Variants in GRIK3 observed in about 807,000 individuals in gnomAD.
GRIK3 encodes the protein glutamate ionotropic receptor kainate type subunit 3.
Under a neutral mutation model 102.5 loss-of-function variants are expected in GRIK3, and 29 were observed. That is an observed-to-expected ratio of 0.28 (90% confidence interval 0.21 to 0.39). The LOEUF (loss-of-function observed/expected upper bound fraction) is 0.39. Among genes scored for constraint, GRIK3 ranks in the 10% least tolerant of loss-of-function variants. GRIK3 has a pLI of 1.00. For missense variants in GRIK3, 908 were observed against 1,252.4 expected (o/e 0.73, Z 4.15); for synonymous variants, 511 against 504.9 (o/e 1.01, Z -0.16).
At chr1:37,004,555 C>G (rs1041662352) in intron 1 of GRIK3, among the ~76,000 whole-genome samples, 2 of 152,162 alleles carry the variant, frequency 1.3e-5, no homozygotes, top group African/African-American at 4.8e-5. Flanking sequence ...CATTTGTGCT[C>G]TTGAATCAAC....
At chr1:36,916,423 C>T (rs980472631) in intron 1 of GRIK3, among the ~76,000 whole-genome samples, 2 of 152,102 alleles carry the variant, frequency 1.3e-5, no homozygotes, top group Non-Finnish European at 2.9e-5. Flanking sequence ...AATGAGGAGC[C>T]TAATGTTAAT....
chr1:36,937,155 C>G (rs573161663), intron 1 of GRIK3, among the ~76,000 whole-genome samples: 1 of 152,258 alleles, frequency 6.6e-6, no homozygotes, highest in East Asian at 1.9e-4. Flanking sequence ...AGACCCTCAG[C>G]GAGCAGGAAC....
At chr1:36,804,941 A>T in intron 15 of GRIK3, 46 bp downstream of exon 15, 1 of 1,603,408 alleles carries the variant, frequency 6.2e-7, no homozygotes. Context: ...AATCAGCGCG[A>T]ATCTCCATTT....
chr1:36,825,323 C>A (rs910357791), intron 11 of GRIK3, among the ~76,000 whole-genome samples: 1 of 152,134 alleles, frequency 6.6e-6, no homozygotes, highest in South Asian at 2.1e-4. Flanking sequence ...CCTCTACGAG[C>A]CTGCCAATGG....
intron 1 of GRIK3, among the ~76,000 whole-genome samples, chr1:36,929,292 AT>A (rs2124312025): frequency 6.6e-6 from 1 of 152,292 alleles, no homozygotes; most frequent in Admixed American, 6.5e-5. Flanking sequence ...GAGTGAATCT[AT>A]ACTCCAGCAG....
intron 10 of GRIK3, among the ~76,000 whole-genome samples, chr1:36,838,577 TG>T (rs966402203): frequency 2.6e-5 from 4 of 152,130 alleles, no homozygotes; most frequent in African/African-American, 9.7e-5. Flanking sequence ...CTGTAACCCT[TG>T]GAAGACCATG....
intron 5 of GRIK3, among the ~76,000 whole-genome samples, chr1:36,864,582 G>A (rs999993588): frequency 6.6e-6 from 1 of 152,094 alleles, no homozygotes; most frequent in African/African-American, 2.4e-5. Context: ...GGGAGCTTGG[G>A]TGCTGGTGGA....
At chr1:36,896,467 A>G (rs184007618) in intron 1 of GRIK3, among the ~76,000 whole-genome samples, 7 of 152,260 alleles carry the variant, frequency 4.6e-5, no homozygotes, top group Admixed American at 3.3e-4. Context: ...TTGCATATGT[A>G]TATTGCAAAC....
intron 1 of GRIK3, among the ~76,000 whole-genome samples, chr1:36,976,394 A>G (rs1642196917): frequency 6.6e-6 from 1 of 151,944 alleles, no homozygotes; most frequent in African/African-American, 2.4e-5. Flanking sequence ...AGCGTTTATC[A>G]TTTTCATCAG....
intron 5 of GRIK3, among the ~76,000 whole-genome samples, chr1:36,864,117 T>C (rs1339184753): frequency 6.6e-6 from 1 of 152,170 alleles, no homozygotes; most frequent in Non-Finnish European, 1.5e-5. Context: ...ATAGTTCTTT[T>C]TTCACCTCTA....
chr1:36,804,858 C>G, intron 15 of GRIK3, 129 bp downstream of exon 15: 1 of 1,226,100 alleles, frequency 8.2e-7, no homozygotes, highest in Non-Finnish European at 1.1e-6. Context: ...GCTTGCTGGC[C>G]GACTGGATGC....
At chr1:37,033,844 G>GT in intron 1 of GRIK3, 150 bp downstream of exon 1, 1 of 510,306 alleles carries the variant, frequency 2.0e-6, no homozygotes, top group Non-Finnish European at 3.5e-6. Context: ...CTGGAACTTT[G>GT]TCCTCACAGG....
intron 1 of GRIK3, among the ~76,000 whole-genome samples, chr1:36,972,356 G>A (rs1642152660): frequency 6.6e-6 from 1 of 152,248 alleles, no homozygotes; most frequent in Non-Finnish European, 1.5e-5. Flanking sequence ...CTTCCGTACT[G>A]ATTCCAGCAT....
chr1:36,908,030 G>A (rs986863948), intron 1 of GRIK3, among the ~76,000 whole-genome samples: 3 of 152,116 alleles, frequency 2.0e-5, no homozygotes, highest in African/African-American at 7.2e-5. Flanking sequence ...TTCAGGGTGG[G>A]GACAATCTGC....
chr1:36,841,952 A>T lies in GRIK3; in HGVS notation c.1327-13T>A. ...CGAAGGGCTCCTCCTGCAGAGACAG[A>T]TGGGCAGGGTGTGACGAAGACTGAG... is the stretch of plus-strand genomic sequence containing the variant. On this transcript the variant is annotated splice_polypyrimidine_tract_variant and intron_variant, in intron 9 of 15. Coordinates refer to ENST00000373091, the MANE Select transcript of GRIK3 (RefSeq NM_000831.4). The T allele has an allele frequency of 6.2e-7, 1 of 1,610,632 alleles. No homozygotes were observed. Among genetic ancestry groups the T allele is most frequent in the Non-Finnish European group, 8.5e-7 (1 of 1,176,860 alleles).
chr1:36,932,672 C>T (rs1641609328), intron 1 of GRIK3, among the ~76,000 whole-genome samples: 1 of 152,200 alleles, frequency 6.6e-6, no homozygotes, highest in African/African-American at 2.4e-5. Flanking sequence ...TTCCAAACTG[C>T]CACTTGGAAT....
In GRIK3 at chr1:36,915,091, T is replaced by C. The variant is rs1478101304; in HGVS notation, c.116-23995A>G. 2.0e-5 allele frequency among the ~76,000 whole-genome samples: 3 copies of C among 152,310 alleles called. No homozygotes were observed. In the East Asian group the frequency reaches 5.8e-4, roughly 29 times the overall value. ...CACCCCAGAAAAAGATGTTCCTCCA[T>C]TCAGCCCTTCCTTCACTCAACAAAC... On this transcript the variant is annotated intron_variant, in intron 1 of 15. Transcript: ENST00000373091.
chr1:36,927,206 T>C (rs1641536614), intron 1 of GRIK3, among the ~76,000 whole-genome samples: 1 of 152,166 alleles, frequency 6.6e-6, no homozygotes, highest in East Asian at 1.9e-4. Flanking sequence ...CAGCCCAGGG[T>C]GTGCAGACAG....
intron 1 of GRIK3, among the ~76,000 whole-genome samples, chr1:36,963,058 A>G: frequency 6.6e-6 from 1 of 152,074 alleles, no homozygotes; most frequent in South Asian, 2.1e-4. Context: ...AGGAACTTGG[A>G]AGGGGGAGGA....
Sources: gnomAD v4.1 joint callset for allele counts (sites outside exome capture counted in the v4.1 genomes callset) on GRCh38, gnomAD v4.1.1 for gene constraint, MANE v1.5 for transcripts, NCBI Gene and HGNC (gene_info 2026-07-23, HGNC 2026-07-21) for gene names.